The following VGLL3 variants were observed in gnomAD, a reference collection of about 807,000 sequenced individuals.
The protein encoded by VGLL3 is vestigial like family member 3, also known as transcription cofactor vestigial-like protein 3.
VGLL3 carries 18 observed loss-of-function variants against 29.2 expected under a neutral mutation model. That is an observed-to-expected ratio of 0.62 (90% confidence interval 0.43 to 0.91). The LOEUF is 0.91. Among genes scored for constraint, VGLL3 ranks in the 40% least tolerant of loss-of-function variants. The probability of loss-of-function intolerance (pLI) is 0.00; values close to 1 mark genes in which losing one functional copy is unlikely to be tolerated. For missense variants in VGLL3, 440 were observed against 413.2 expected, an observed-to-expected ratio of 1.06 and a Z score of -0.56; for synonymous variants, 180 against 151.8, an observed-to-expected ratio of 1.19 and a Z score of -1.36.
Position 86,938,938 on chromosome 3 carries a change from A to T in VGLL3, c.*8086T>A, listed in dbSNP as rs139404893. ...AAAGGAAGCAAAACAATTAAATCCT[A>T]CTTGGTTGTCCCCAGAGAAAACACA... On this transcript the variant is annotated 3_prime_UTR_variant, in exon 4 of 4. Coordinates refer to ENST00000398399, the MANE Select transcript of VGLL3 (RefSeq NM_016206.4). 1.3e-5 allele frequency: 2 copies of T among 152,202 alleles called. No individual in the cohort carries two copies. The highest frequency in any genetic ancestry group is 1.3e-4 in the Admixed American group (2 of 15,278). 9.4% of individuals were successfully genotyped at this position (152,202 alleles called of 1,614,324 possible). A position where few individuals can be genotyped will look rare whatever the true frequency, so the allele number is the denominator to read the frequency against.
Position 86,970,159 on chromosome 3 carries a change from C to T in VGLL3, c.404-1036G>A, listed in dbSNP as rs547179477. Among the ~76,000 whole-genome samples the T allele has an allele frequency of 3.3e-4, 50 of 152,168 alleles. 1 individual carries two copies. The South Asian group carries it at 1.0e-2, about 30-fold the overall frequency. On this transcript the variant is annotated intron_variant, in intron 2 of 3. Coordinates refer to ENST00000398399, the MANE Select transcript of VGLL3 (RefSeq NM_016206.4). The stretch of plus-strand genomic sequence containing the variant: ...ACTTAGAGACGAATAAGAAAGAAAA[C>T]GATCCCCTAACTCTTCATCAGTTCA...
At chr3:86,982,929 G>A (rs1354005421) in intron 1 of VGLL3, among the ~76,000 whole-genome samples, 6 of 152,130 alleles carry the variant, frequency 3.9e-5, no homozygotes, top group Non-Finnish European at 7.3e-5. Flanking sequence ...CTCACAAAGA[G>A]GTTAAAGTAT....
chr3:86,946,306 A>C lies in VGLL3; in HGVS notation c.*718T>G, dbSNP rs1224475990. On this transcript the variant is annotated 3_prime_UTR_variant, in exon 4 of 4. Transcript: ENST00000398399. Reference sequence around the variant, plus strand: ...ATTAAAAAAAAACTTTTCAAGCTATACATATAATTCAAAACTAATTGAGCT... The same window carrying C: ...ATTAAAAAAAAACTTTTCAAGCTATCCATATAATTCAAAACTAATTGAGCT... The C allele has an allele frequency of 1.3e-5, 2 of 152,206 alleles. No individual in the cohort carries two copies. The highest frequency in any genetic ancestry group is 2.9e-5 in the Non-Finnish European group (2 of 68,030). 9.4% of individuals were successfully genotyped at this position (152,206 alleles called of 1,614,324 possible).
chr3:86,980,878 T>A (rs1045572052), intron 1 of VGLL3, among the ~76,000 whole-genome samples: 4 of 151,960 alleles, frequency 2.6e-5, no homozygotes, highest in Non-Finnish European at 5.9e-5. Context: ...ATCTACATGG[T>A]GGCATCATTG....
rs1271719393 is a variant in VGLL3 at position 86,970,474 on chromosome 3, T to G, written c.404-1351A>C. 3.6e-5 allele frequency among the ~76,000 whole-genome samples: 3 copies of G among 83,568 alleles called. No homozygotes were observed. In the Admixed American group the frequency reaches 4.5e-4, roughly 12 times the overall value. The allele number at this position is 83,568 out of a possible 152,430, so 54.8% of individuals were successfully genotyped here. A position where few individuals can be genotyped will look rare whatever the true frequency, so the allele number is the denominator to read the frequency against. ...CAGCACATAAGAAAAGGCCATATATTACACACACGCACACACACACACACA... is the reference window on the plus strand; with the variant it reads ...CAGCACATAAGAAAAGGCCATATATGACACACACGCACACACACACACACA... On this transcript the variant is annotated intron_variant, in intron 2 of 3. Coordinates refer to ENST00000398399, the MANE Select transcript of VGLL3 (RefSeq NM_016206.4).
chr3:86,968,597 G>T lies in VGLL3; in HGVS notation c.930C>A (p.Phe310Leu), dbSNP rs966393754. The T allele has an allele frequency of 1.2e-6, 2 of 1,611,550 alleles. No homozygotes were observed. Among genetic ancestry groups the T allele is most frequent in the African/African-American group, 2.7e-5 (2 of 74,828 alleles). Reference protein sequence around the residue: ...GTVDIVPSVGFDTGLQHQDKS... With the variant: ...GTVDIVPSVGLDTGLQHQDKS... ...AGAAATCCAGCAGCTTACCTGTATC[G>T]AATCCCACGCTGGGCACTATGTCTA... Residue 310 changes from phenylalanine to leucine, a missense_variant, in exon 3 of 4, where the codon TTC becomes TTA. Phe to Leu is a conservative substitution (Grantham distance 22). Transcript: ENST00000398399.
intron 1 of VGLL3, among the ~76,000 whole-genome samples, chr3:86,988,401 A>G (rs1705495306): frequency 6.6e-6 from 1 of 151,860 alleles, no homozygotes; most frequent in Non-Finnish European, 1.5e-5. Flanking sequence ...CAACCAAAAT[A>G]TGTATTCTCG....
chr3:86,973,872 C>A (rs903923811), intron 2 of VGLL3, among the ~76,000 whole-genome samples: 3 of 152,120 alleles, frequency 2.0e-5, no homozygotes, highest in Non-Finnish European at 4.4e-5. Flanking sequence ...GATTAGCATT[C>A]TGTATGGTTT....
chr3:86,955,724 C>T (rs78260575), intron 3 of VGLL3, among the ~76,000 whole-genome samples: 123 of 152,184 alleles, frequency 8.1e-4, no homozygotes, highest in Admixed American at 1.8e-3. Context: ...AACAGAAGCT[C>T]GCTCTCTGAC....
In VGLL3 at chr3:86,945,854, A is replaced by C. The variant is rs753935838; in HGVS notation, c.*1170T>G. On this transcript the variant is annotated 3_prime_UTR_variant, in exon 4 of 4. Coordinates refer to ENST00000398399, the MANE Select transcript of VGLL3 (RefSeq NM_016206.4). Reference sequence around the variant, plus strand: ...GTTCTGTGTTGAAACTATTATATATAGAACTGTTTGTTTGTTTGTTTGTTT... The same window carrying C: ...GTTCTGTGTTGAAACTATTATATATCGAACTGTTTGTTTGTTTGTTTGTTT... 2.1e-4 allele frequency: 32 copies of C among 151,018 alleles called. No homozygotes were observed. Among genetic ancestry groups the C allele is most frequent in the Non-Finnish European group, 4.7e-4 (32 of 67,978 alleles). 9.4% of individuals were successfully genotyped at this position (151,018 alleles called of 1,614,324 possible).
At chr3:86,978,181 T>TGTGTTTTTAGTAGAGATGGGGTTTCAC (rs1705247917) in intron 2 of VGLL3, among the ~76,000 whole-genome samples, 1 of 152,212 alleles carries the variant, frequency 6.6e-6, no homozygotes, top group Admixed American at 6.5e-5. Flanking sequence ...GCTAATTTTT[T>TGTGTTTTTAGTAGAGATGGGGTTTCAC]AAAAGCTGAT....
At chr3:86,982,039 A>T (rs1705335702) in intron 1 of VGLL3, among the ~76,000 whole-genome samples, 1 of 152,218 alleles carries the variant, frequency 6.6e-6, no homozygotes, top group South Asian at 2.1e-4. Context: ...AATGGATTCA[A>T]ATGCTGCCTT....
At chr3:86,956,512 C>T (rs1358633130) in intron 3 of VGLL3, among the ~76,000 whole-genome samples, 4 of 152,152 alleles carry the variant, frequency 2.6e-5, no homozygotes, top group African/African-American at 9.7e-5. Context: ...CTTGGCCTGG[C>T]GCAGTGGCTC....
At chr3:86,976,076 T>C (rs1173191920) in intron 2 of VGLL3, among the ~76,000 whole-genome samples, 2 of 151,964 alleles carry the variant, frequency 1.3e-5, no homozygotes, top group Admixed American at 1.3e-4. Flanking sequence ...ATCGCACCAC[T>C]GCACTCCAGC....
chr3:86,949,175 T>C (rs1704564556), intron 3 of VGLL3, among the ~76,000 whole-genome samples: 1 of 152,192 alleles, frequency 6.6e-6, no homozygotes, highest in African/African-American at 2.4e-5. Context: ...ATATGACTAT[T>C]TCAAAATCAC....
rs1705512499 is a variant in VGLL3 at position 86,988,712 on chromosome 3, A to AG, written c.126+1905dup. ...AAGAAGAAGAAGGAGAAGAAAAAGA[A>AG]GAAAAAGCAACATGAAAATTTCCAA... On this transcript the variant is annotated intron_variant, in intron 1 of 3. Coordinates refer to ENST00000398399, the MANE Select transcript of VGLL3 (RefSeq NM_016206.4). Among the ~76,000 whole-genome samples the AG allele has an allele frequency of 1.4e-5, 2 of 144,102 alleles. 1 individual carries two copies. The highest frequency in any genetic ancestry group is 3.0e-5 in the Non-Finnish European group (2 of 66,038). The allele number at this position is 144,102 out of a possible 152,430, so 94.5% of individuals were successfully genotyped here.
At chr3:86,955,316 G>A (rs1459470096) in intron 3 of VGLL3, among the ~76,000 whole-genome samples, 1 of 151,150 alleles carries the variant, frequency 6.6e-6, no homozygotes, top group South Asian at 2.1e-4. Flanking sequence ...ATTAGAATGA[G>A]ATATGTTGCA....
intron 3 of VGLL3, among the ~76,000 whole-genome samples, chr3:86,952,818 C>A (rs1704642427): frequency 6.6e-6 from 1 of 152,172 alleles, no homozygotes; most frequent in Admixed American, 6.5e-5. Flanking sequence ...ACTTCACCAG[C>A]AAATTGACAG....
intron 1 of VGLL3, among the ~76,000 whole-genome samples, chr3:86,983,559 A>AT (rs983124743): frequency 2.6e-5 from 4 of 151,968 alleles, no homozygotes; most frequent in Admixed American, 6.5e-5. Context: ...TTTTATTCTA[A>AT]TTTTTTTGTA....
Sources: allele counts gnomAD v4.1 joint callset (sites outside exome capture counted in the v4.1 genomes callset), GRCh38; gene constraint gnomAD v4.1.1; transcripts MANE v1.5; gene names NCBI Gene and HGNC (gene_info 2026-07-23, HGNC 2026-07-21).